Variants in CARMIL3 observed in about 807,000 individuals in gnomAD.
CARMIL3 encodes capping protein, Arp2/3 and myosin-I linker protein 3.
In CARMIL3, 88 loss-of-function variants were observed where a neutral mutation model predicts 180.8. The ratio of observed to expected loss-of-function variants is 0.49; its 90% CI spans 0.41 to 0.58. The LOEUF (loss-of-function observed/expected upper bound fraction) is 0.58, where lower values mean the gene tolerates loss of function less well. CARMIL3 is among the 20% of genes least tolerant of loss of function. The probability of loss-of-function intolerance (pLI) is 0.00; values close to 1 mark genes in which losing one functional copy is unlikely to be tolerated. For synonymous variants in CARMIL3, 696 were observed against 714.5 expected (o/e 0.97, Z 0.41); for missense variants, 1,548 against 1,787.0 (o/e 0.87, Z 2.41).
Position 24,054,476 on chromosome 14 carries a change from G to C in CARMIL3, c.327G>C (p.Val109=). ...GTGTGGACCAGGTGACACGACATGT[G>C]AGCTCTGCCCTGTCCAAGGTCTGCC... The part of the protein sequence containing the change: ...AESVDQVTRH[V]SSALSKVCPG... The change falls in exon 5 of 40, where the codon GTG becomes GTC. Residue 109 remains valine, a synonymous_variant. Transcript: ENST00000342740. The surrounding 1 kb of genome is among the most constrained non-coding windows in gnomAD (Gnocchi z 5.1). 6.2e-7 allele frequency: 1 copy of C among 1,614,116 alleles called. No individual in the cohort carries two copies. The highest frequency in any genetic ancestry group is 1.3e-5 in the African/African-American group (1 of 75,044).
At chr14:24,066,699 G>A in intron 36 of CARMIL3, 43 bp downstream of exon 36, 1 of 1,597,460 alleles carries the variant, frequency 6.3e-7, no homozygotes, top group Non-Finnish European at 8.6e-7. Flanking sequence ...GAAAGCCCAG[G>A]GTGTGTCCAA....
In CARMIL3 at chr14:24,056,605, C is replaced by G. The variant is rs749212658; in HGVS notation, c.866-17C>G. The G allele has an allele frequency of 3.1e-6, 5 of 1,613,480 alleles. No homozygotes were observed. The African/African-American group carries it at 6.7e-5, about 22-fold the overall frequency. The stretch of plus-strand genomic sequence containing the variant: ...GCCCTGCCCCTCACTGGGCCCGTTT[C>G]TCTCTCCACTCCCCAGGTTTTCTCA... On this transcript the variant is annotated splice_polypyrimidine_tract_variant and intron_variant, in intron 11 of 39. Transcript: ENST00000342740.
In CARMIL3 at chr14:24,068,728, G is replaced by A. The variant is rs996493029; in HGVS notation, c.3801+26G>A. The A allele has an allele frequency of 6.2e-6, 10 of 1,613,414 alleles. No individual in the cohort carries two copies. In the African/African-American group the frequency reaches 1.3e-4, roughly 22 times the overall value. On this transcript the variant is annotated intron_variant, in intron 37 of 39. Coordinates refer to ENST00000342740, the MANE Select transcript of CARMIL3 (RefSeq NM_138360.4). ...GTGAGAGCTGGCAAGATGGGTGGGGGAGGCACTTTGATGAGGCAAAGGGAC... is the reference window on the plus strand; with the variant it reads ...GTGAGAGCTGGCAAGATGGGTGGGGAAGGCACTTTGATGAGGCAAAGGGAC...
intron 38 of CARMIL3, 61 bp from the exon 39 acceptor site, chr14:24,069,076 G>T: frequency 6.2e-7 from 1 of 1,604,236 alleles, no homozygotes; most frequent in South Asian, 1.1e-5. Flanking sequence ...GTCACAGCCT[G>T]GATGAGCATC....
chr14:24,069,664 G>A lies in CARMIL3; in HGVS notation c.*260G>A. 1 of 563,064 alleles carries A rather than the reference G, an allele frequency of 1.8e-6. No individual in the cohort carries two copies. The highest frequency in any genetic ancestry group is 3.2e-6 in the Non-Finnish European group (1 of 315,326). 34.9% of individuals were successfully genotyped at this position (563,064 alleles called of 1,614,324 possible). ...GCTTATCTCCTCCCCCAGGAGGGTGGATCTCTGTCCCTCTATCCCCAGGGA... is the reference window on the plus strand; with the variant it reads ...GCTTATCTCCTCCCCCAGGAGGGTGAATCTCTGTCCCTCTATCCCCAGGGA... On this transcript the variant is annotated 3_prime_UTR_variant, in exon 40 of 40. Coordinates refer to ENST00000342740, the MANE Select transcript of CARMIL3 (RefSeq NM_138360.4).
At position 24,053,703 on chromosome 14, in the gene CARMIL3, C is replaced by A. The variant is rs142116505; in HGVS notation, c.41-6C>A. ...AAGCTCTGAGCAGGCTCCCACCCCC[C>A]CTCAGACAGCATCCGGAGGTGCCTG... is the stretch of plus-strand genomic sequence containing the variant. On this transcript the variant is annotated splice_region_variant and splice_polypyrimidine_tract_variant and intron_variant, in intron 1 of 39. Coordinates refer to ENST00000342740, the MANE Select transcript of CARMIL3 (RefSeq NM_138360.4). 150 of 1,604,768 alleles carry A rather than the reference C, an allele frequency of 9.3e-5. No homozygotes were observed. The highest frequency in any genetic ancestry group is 3.4e-4 in the Admixed American group (20 of 59,340).
Position 24,061,035 on chromosome 14 carries a change from C to G in CARMIL3, c.2299C>G (p.Leu767Val). The change falls in exon 26 of 40, where the codon CTG (leucine) becomes GTG (valine). Residue 767 changes from leucine to valine, a missense_variant. Leu to Val is a conservative substitution (Grantham distance 32). Around this residue, in one of 4 missense-constraint regions of CARMIL3, gnomAD observed 297 missense variants for 415.9 expected, o/e 0.71. Transcript: ENST00000342740. This position sits in a 1 kb window ranked among gnomAD's most constrained non-coding sequence, Gnocchi z 4.1. The stretch of plus-strand genomic sequence containing the variant: ...GGTGTCCAAAGCTGTGGACAAGGAG[C>G]TGCAGGCAAGTCCTGGAGGAGGGAG... ...SEVSKAVDKE[L>V]QVILESMVSL... 1.9e-6 allele frequency: 3 copies of G among 1,551,524 alleles called. No individual in the cohort carries two copies. The highest frequency in any genetic ancestry group is 2.6e-6 in the Non-Finnish European group (3 of 1,146,868).
At chr14:24,062,279 C>A in intron 27 of CARMIL3, 1 of 608,922 alleles carries the variant, frequency 1.6e-6, no homozygotes, top group Non-Finnish European at 2.9e-6. Context: ...GCTGGGGGCT[C>A]TGGGGTGGGA....
intron 12 of CARMIL3, 48 bp from the exon 13 acceptor site, chr14:24,056,866 GA>G (rs765161244): frequency 2.5e-6 from 4 of 1,583,860 alleles, no homozygotes; most frequent in Non-Finnish European, 3.5e-6. Flanking sequence ...GTGCTGAGGG[GA>G]AGAGGTGGGG....
chr14:24,060,832 C>A, intron 25 of CARMIL3, 76 bp downstream of exon 25: 1 of 1,563,676 alleles, frequency 6.4e-7, no homozygotes, highest in Non-Finnish European at 8.7e-7. Context: ...GCCATGACAG[C>A]CCTGCCCTGT....
chr14:24,068,209 C>T (rs2138811237), intron 36 of CARMIL3, among the ~76,000 whole-genome samples: 1 of 152,186 alleles, frequency 6.6e-6, no homozygotes, highest in South Asian at 2.1e-4. Context: ...CAATCCTGGC[C>T]AACACGGTGA....
At position 24,066,666 on chromosome 14, in the gene CARMIL3, G is replaced by A. The variant is rs1362612977; in HGVS notation, c.3682+10G>A. 1.2e-6 allele frequency: 2 copies of A among 1,613,232 alleles called. No individual in the cohort carries two copies. Among genetic ancestry groups the A allele is most frequent in the Admixed American group, 3.3e-5 (2 of 59,968 alleles). On this transcript the variant is annotated intron_variant, in intron 36 of 39. Transcript: ENST00000342740. ...GCCACATGGCACATAGGTATGGAAA[G>A]CCTCTTTTCAGGCAGCAGTACTGAA... is the stretch of plus-strand genomic sequence containing the variant.
rs369934575 is a variant in CARMIL3 at position 24,062,528 on chromosome 14, T to G, written c.2529T>G (p.Asp843Glu). The G allele has an allele frequency of 5.3e-5, 85 of 1,613,426 alleles. No individual in the cohort carries two copies. The highest frequency in any genetic ancestry group is 6.9e-5 in the Non-Finnish European group (81 of 1,179,424). ...VVTYLTSSIV[D>E]EILQELYHSH... ...CCTACCTAACCAGCTCCATAGTGGA[T>G]GAGATCCTGCAAGAGCTCTACCATT... Residue 843 changes from aspartate (D) to glutamate (E), a missense_variant, in exon 28 of 40, where the codon GAT becomes GAG. By Grantham distance (45) the Asp-to-Glu change is conservative. Around this residue, in one of 4 missense-constraint regions of CARMIL3, gnomAD observed 297 missense variants for 415.9 expected, o/e 0.71. Coordinates refer to ENST00000342740, the MANE Select transcript of CARMIL3 (RefSeq NM_138360.4).
At position 24,054,078 on chromosome 14, in the gene CARMIL3, C is replaced by T. The variant is rs756983377; in HGVS notation, c.136-10C>T. The T allele has an allele frequency of 6.2e-7, 1 of 1,613,374 alleles. No individual in the cohort carries two copies. The highest frequency in any genetic ancestry group is 1.1e-5 in the South Asian group (1 of 91,040). ...TGCCATGAGCTGCCGATTTTTTCCT[C>T]TCTCTGTAGGCCCTGACCTCCTGGC... On this transcript the variant is annotated splice_polypyrimidine_tract_variant and intron_variant, in intron 2 of 39. Transcript: ENST00000342740. This position sits in a 1 kb window ranked among gnomAD's most constrained non-coding sequence, Gnocchi z 5.1.
At position 24,052,035 on chromosome 14, in the gene CARMIL3, C is replaced by T; in HGVS notation, c.-119C>T. 9.8e-7 allele frequency: 1 copy of T among 1,019,206 alleles called. No individual in the cohort carries two copies. The highest frequency in any genetic ancestry group is 2.1e-5 in the South Asian group (1 of 46,610). 63.1% of individuals were successfully genotyped at this position (1,019,206 alleles called of 1,614,324 possible). Reference sequence around the variant, plus strand: ...AGCAGCCGCCCCTGACCGGAGCGGGCTCGGCCGCTGCTGCAGCGCTCAGCG... The same window carrying T: ...AGCAGCCGCCCCTGACCGGAGCGGGTTCGGCCGCTGCTGCAGCGCTCAGCG... On this transcript the variant is annotated 5_prime_UTR_variant, in exon 1 of 40. Coordinates refer to ENST00000342740, the MANE Select transcript of CARMIL3 (RefSeq NM_138360.4).
Position 24,065,746 on chromosome 14 carries a change from G to C in CARMIL3, c.3521G>C (p.Arg1174Pro). The C allele has an allele frequency of 6.2e-7, 1 of 1,613,992 alleles. No individual in the cohort carries two copies. The highest frequency in any genetic ancestry group is 8.5e-7 in the Non-Finnish European group (1 of 1,179,924). Residue 1174 changes from arginine to proline, a missense_variant, in exon 34 of 40, where the codon CGA becomes CCA. Physicochemically the swap from Arg to Pro is moderately radical, Grantham distance 103 (BLOSUM62 -2). Coordinates refer to ENST00000342740, the MANE Select transcript of CARMIL3 (RefSeq NM_138360.4). ...RAKGWSFDGK[R>P]EGPGPDQEGS... ...AAGGGTTGGAGCTTCGATGGGAAAC[G>C]AGAGGTGAGTGGAGCCTGGGACAAC...
In CARMIL3 at chr14:24,055,683, A is replaced by AC. The variant is rs768322461; in HGVS notation, c.682-12dup. 23 of 1,613,156 alleles carry AC rather than the reference A, an allele frequency of 1.4e-5. No homozygotes were observed. The highest frequency in any genetic ancestry group is 5.4e-5 in the African/African-American group (4 of 74,592). ...GCCCCCCTTGGCCCCTGATCACAAG[A>AC]CCCCCCTCTGTCCTCAGGGCTCTGA... On this transcript the variant is annotated splice_polypyrimidine_tract_variant and intron_variant, in intron 9 of 39. Coordinates refer to ENST00000342740, the MANE Select transcript of CARMIL3 (RefSeq NM_138360.4).
At position 24,054,681 on chromosome 14, in the gene CARMIL3, CCT is replaced by C. The variant is rs2035654167; in HGVS notation, c.363-25_363-24del. ...GAAGAACTGAGAGCCTCTTTCCAGC[CCT>C]CTCTGGAATGACTTGTTTCTTTTCC... On this transcript the variant is annotated intron_variant, in intron 5 of 39. Transcript: ENST00000342740. The surrounding 1 kb of genome is among the most constrained non-coding windows in gnomAD (Gnocchi z 5.1). 6.3e-7 allele frequency: 1 copy of C among 1,596,570 alleles called. No individual in the cohort carries two copies. Among genetic ancestry groups the C allele is most frequent in the Non-Finnish European group, 8.6e-7 (1 of 1,165,198 alleles).
chr14:24,055,525 C>G lies in CARMIL3; in HGVS notation c.606-18C>G, dbSNP rs375694930. On this transcript the variant is annotated intron_variant, in intron 8 of 39. Coordinates refer to ENST00000342740, the MANE Select transcript of CARMIL3 (RefSeq NM_138360.4). ...CCACCTGCTCACCACTTTCCTGCCC[C>G]CTTCCATATCCCCACAGAGACTTGG... 15 of 1,613,858 alleles carry G rather than the reference C, an allele frequency of 9.3e-6. No homozygotes were observed. Among genetic ancestry groups the G allele is most frequent in the African/African-American group, 6.7e-5 (5 of 74,916 alleles).
Sources: gnomAD v4.1 joint callset for allele counts (sites outside exome capture counted in the v4.1 genomes callset) on GRCh38, gnomAD v4.1.1 for gene constraint, gnomAD v4.1.1 regional missense constraint, Gnocchi (gnomAD v3.1) non-coding constraint, MANE v1.5 for transcripts, NCBI Gene and HGNC (gene_info 2026-07-23, HGNC 2026-07-21) for gene names.